KCTD8: variants seen among roughly 807,000 people sequenced by gnomAD.
The protein encoded by KCTD8 is BTB/POZ domain-containing protein KCTD8.
KCTD8 carries 27 observed loss-of-function variants against 31.5 expected under a neutral mutation model. That is an observed-to-expected ratio of 0.86 (90% CI 0.63 to 1.18). The LOEUF is 1.18. KCTD8 is among the 50% of genes most tolerant of loss of function. The pLI, the probability that KCTD8 is intolerant of heterozygous loss-of-function variation, is 0.00. For missense variants in KCTD8, 658 were observed against 647.7 expected, an observed-to-expected ratio of 1.02 and a Z score of -0.17; for synonymous variants, 290 against 280.0, an observed-to-expected ratio of 1.04 and a Z score of -0.36.
At chr4:44,338,761 G>C (rs1718819767) in intron 1 of KCTD8, among the ~76,000 whole-genome samples, 1 of 152,136 alleles carries the variant, frequency 6.6e-6, no homozygotes, top group Admixed American at 6.5e-5. Context: ...GAACTCTATA[G>C]TAGAGCAAAT....
In KCTD8 at chr4:44,448,548, A is replaced by T. The variant is rs1722020624; in HGVS notation, c.-25T>A. On this transcript the variant is annotated 5_prime_UTR_variant, in exon 1 of 2. Coordinates refer to ENST00000360029, the MANE Select transcript of KCTD8 (RefSeq NM_198353.3). This position sits in a 1 kb window ranked among gnomAD's most constrained non-coding sequence, Gnocchi z 4.1. ...TAGTCCCCCCGCCGCCGGCCCAGTG[A>T]CCCGAGAGAGCTGCACTTTCTCGTT... 2 of 1,441,278 alleles carry T rather than the reference A, an allele frequency of 1.4e-6. No homozygotes were observed. The highest frequency in any genetic ancestry group is 5.2e-5 in the East Asian group (2 of 38,752). 89.3% of individuals were successfully genotyped at this position (1,441,278 alleles called of 1,614,324 possible).
chr4:44,199,060 T>C (rs1714036984), intron 1 of KCTD8, among the ~76,000 whole-genome samples: 1 of 152,020 alleles, frequency 6.6e-6, no homozygotes, highest in Non-Finnish European at 1.5e-5. Flanking sequence ...AAGAAGGGCA[T>C]TATATAATAA....
intron 1 of KCTD8, among the ~76,000 whole-genome samples, chr4:44,316,496 G>A (rs1364583522): frequency 2.0e-5 from 3 of 151,800 alleles, no homozygotes; most frequent in Non-Finnish European, 4.4e-5. Context: ...AAATATAAAC[G>A]TACTATGTTA....
chr4:44,448,470 C>G lies in KCTD8; in HGVS notation c.54G>C (p.Glu18Asp). Residue 18 changes from glutamate (E) to aspartate (D), a missense_variant, in exon 1 of 2, where the codon GAG becomes GAC. Coordinates refer to ENST00000360029, the MANE Select transcript of KCTD8 (RefSeq NM_198353.3). The surrounding 1 kb of genome is among the most constrained non-coding windows in gnomAD (Gnocchi z 4.1). Reference protein sequence around the residue: ...SGGSTILPISEMVSSSSSPGA... With the variant: ...SGGSTILPISDMVSSSSSPGA... ...CGGGCGAGCTGGACGAGGAAACCATCTCGCTAATGGGCAGGATGGTGCTGC... is the reference window on the plus strand; with the variant it reads ...CGGGCGAGCTGGACGAGGAAACCATGTCGCTAATGGGCAGGATGGTGCTGC... The G allele has an allele frequency of 1.3e-6, 2 of 1,541,712 alleles. No homozygotes were observed. The highest frequency in any genetic ancestry group is 2.1e-4 in the Middle Eastern group (1 of 4,794).
chr4:44,356,920 G>A (rs561769893), intron 1 of KCTD8, among the ~76,000 whole-genome samples: 24 of 152,148 alleles, frequency 1.6e-4, no homozygotes, highest in African/African-American at 5.5e-4. Context: ...CATAAGATTG[G>A]CCTAAGACTC....
chr4:44,428,335 TA>T (rs1466667109), intron 1 of KCTD8, among the ~76,000 whole-genome samples: 1 of 151,732 alleles, frequency 6.6e-6, no homozygotes, highest in East Asian at 1.9e-4. Flanking sequence ...TGATGACCTC[TA>T]TAGAAAACAA....
Position 44,448,330 on chromosome 4 carries a change from A to C in KCTD8, c.194T>G (p.Val65Gly). The C allele has an allele frequency of 6.3e-7, 1 of 1,598,668 alleles. No individual in the cohort carries two copies. The highest frequency in any genetic ancestry group is 8.5e-7 in the Non-Finnish European group (1 of 1,173,324). Residue 65 changes from valine (V) to glycine (G), a missense_variant, in exon 1 of 2, where the codon GTC becomes GGC. Transcript: ENST00000360029. The surrounding 1 kb of genome is among the most constrained non-coding windows in gnomAD (Gnocchi z 4.1). ...YVTKHSTLLS[V>G]PDSTLASMFS... is the part of the protein sequence containing the mutation. The stretch of plus-strand genomic sequence containing the variant: ...CATGCTGGCCAAAGTACTGTCCGGG[A>C]CGCTGAGCAGCGTCGAGTGCTTGGT...
chr4:44,447,004 A>G (rs991633421), intron 1 of KCTD8, among the ~76,000 whole-genome samples: 1 of 152,074 alleles, frequency 6.6e-6, no homozygotes, highest in African/African-American at 2.4e-5. Context: ...CTCTGGGGGC[A>G]CCTTTATCGC....
intron 1 of KCTD8, among the ~76,000 whole-genome samples, chr4:44,266,814 T>A (rs142769159): frequency 1.3e-5 from 2 of 151,610 alleles, no homozygotes; most frequent in Non-Finnish European, 2.9e-5. Context: ...TACATAATGG[T>A]AAAGGGATCA....
At chr4:44,395,774 T>C (rs1362045666) in intron 1 of KCTD8, among the ~76,000 whole-genome samples, 1 of 152,046 alleles carries the variant, frequency 6.6e-6, no homozygotes, top group Admixed American at 6.6e-5. Context: ...GCCCAGACAC[T>C]GGCTGGGGGT....
chr4:44,174,836 C>T lies in KCTD8; in HGVS notation c.1376G>A (p.Arg459His), dbSNP rs200347865. ...KIHIPDYFPE[R>H]KRQWQSELLQ... is the part of the protein sequence containing the mutation. ...CAGTTCAGATTGCCATTGGCGTTTG[C>T]GCTCTGGAAAATAATCTGGAATGTG... The change falls in exon 2 of 2, where the codon CGC (arginine) becomes CAC (histidine). Residue 459 changes from arginine to histidine, a missense_variant. Physicochemically the swap from Arg to His is conservative, Grantham distance 29. Coordinates refer to ENST00000360029, the MANE Select transcript of KCTD8 (RefSeq NM_198353.3). 7.6e-5 allele frequency: 123 copies of T among 1,613,190 alleles called. No homozygotes were observed. The highest frequency in any genetic ancestry group is 1.7e-4 in the Middle Eastern group (1 of 6,050).
At chr4:44,278,957 A>C (rs940875670) in intron 1 of KCTD8, among the ~76,000 whole-genome samples, 1 of 152,080 alleles carries the variant, frequency 6.6e-6, no homozygotes, top group Non-Finnish European at 1.5e-5. Flanking sequence ...AAATTGGGGA[A>C]GGCTTTTCTC....
chr4:44,219,659 T>C (rs1560398077), intron 1 of KCTD8, among the ~76,000 whole-genome samples: 2 of 152,238 alleles, frequency 1.3e-5, no homozygotes, highest in Admixed American at 6.5e-5. Flanking sequence ...TTTAAACTTC[T>C]ATTTTCCAGA....
At chr4:44,280,284 T>C (rs939870745) in intron 1 of KCTD8, among the ~76,000 whole-genome samples, 1 of 152,066 alleles carries the variant, frequency 6.6e-6, no homozygotes, top group South Asian at 2.1e-4. Flanking sequence ...TAGAAGCTTT[T>C]TGAAACAGGT....
At position 44,180,582 on chromosome 4, in the gene KCTD8, T is replaced by TGC. The variant is rs200270284; in HGVS notation, c.962-5333_962-5332insGC. 8.4e-4 allele frequency among the ~76,000 whole-genome samples: 122 copies of TGC among 145,278 alleles called. 1 individual carries two copies. Among genetic ancestry groups the TGC allele is most frequent in the African/African-American group, 3.1e-3 (119 of 38,872 alleles). On this transcript the variant is annotated intron_variant, in intron 1 of 1. Transcript: ENST00000360029. ...ATTTTTGAAGAACAGTCAGTATACATACATGCACACACACACACACACACA... is the reference window on the plus strand; with the variant it reads ...ATTTTTGAAGAACAGTCAGTATACATGCACATGCACACACACACACACACACA...
intron 1 of KCTD8, among the ~76,000 whole-genome samples, chr4:44,205,365 G>C (rs971948696): frequency 6.6e-6 from 1 of 152,032 alleles, no homozygotes; most frequent in Non-Finnish European, 1.5e-5. Flanking sequence ...ATTTTAGTTC[G>C]ATCAAAAAAG....
At chr4:44,278,062 C>T (rs796970571) in intron 1 of KCTD8, among the ~76,000 whole-genome samples, 15 of 152,036 alleles carry the variant, frequency 9.9e-5, no homozygotes, top group African/African-American at 3.6e-4. Context: ...GTCTTGAGTT[C>T]CTGACACAGT....
chr4:44,244,840 G>A (rs75307014), intron 1 of KCTD8, among the ~76,000 whole-genome samples: 1,441 of 92,266 alleles, frequency 0.016, 42 homozygotes, highest in African/African-American at 0.057. Flanking sequence ...AATTTTCCCT[G>A]TAGTTGTGGG....
At chr4:44,332,443 A>G (rs1718611892) in intron 1 of KCTD8, among the ~76,000 whole-genome samples, 1 of 151,942 alleles carries the variant, frequency 6.6e-6, no homozygotes, top group Admixed American at 6.6e-5. Context: ...TCCTGCCTAC[A>G]AATTTCAGTC....
Sources: gnomAD v4.1 joint callset for allele counts (sites outside exome capture counted in the v4.1 genomes callset) on GRCh38, gnomAD v4.1.1 for gene constraint, Gnocchi (gnomAD v3.1) non-coding constraint, MANE v1.5 for transcripts, NCBI Gene and HGNC (gene_info 2026-07-23, HGNC 2026-07-21) for gene names.